The following ACSS3 variants were observed in gnomAD, a reference collection of about 807,000 sequenced individuals.
ACSS3 encodes the protein acyl-CoA synthetase short-chain family member 3, mitochondrial.
Under a neutral mutation model 84.2 loss-of-function variants are expected in ACSS3, and 64 were observed. The ratio of observed to expected loss-of-function variants is 0.76; its 90% CI spans 0.62 to 0.94. The LOEUF (loss-of-function observed/expected upper bound fraction) is 0.94, where lower values mean the gene tolerates loss of function less well. Ranked by LOEUF, ACSS3 falls within the 40% of genes least tolerant of loss-of-function variation. ACSS3 has a pLI of 0.00. For missense variants in ACSS3, 815 were observed against 867.6 expected, an observed-to-expected ratio of 0.94 and a Z score of 0.76; for synonymous variants, 317 against 310.1, an observed-to-expected ratio of 1.02 and a Z score of -0.23.
rs2400893 is a variant in ACSS3, at chr12:81,143,127, C to A, written c.801C>A (p.Pro267=). 6 of 1,612,360 alleles carry A rather than the reference C, an allele frequency of 3.7e-6. No homozygotes were observed. The highest frequency in any genetic ancestry group is 4.2e-6 in the Non-Finnish European group (5 of 1,178,928). ...TGTAGGAGGCGGTTCCTTTGGCTCC[C>A]GGTCGTGACCTTGATTGGGATGAAG... is the stretch of plus-strand genomic sequence containing the variant. ...RPNMEAVPLA[P]GRDLDWDEEM... Residue 267 remains proline (P), a synonymous_variant, in exon 5 of 16, where the codon CCC becomes CCA. Transcript: ENST00000548058.
intron 9 of ACSS3, among the ~76,000 whole-genome samples, chr12:81,209,445 T>G (rs2032494745): frequency 6.6e-6 from 1 of 151,284 alleles, no homozygotes; most frequent in Admixed American, 6.6e-5. Context: ...CAACCATATC[T>G]CATGATTTTG....
At position 81,204,294 on chromosome 12, in the gene ACSS3, TTCCTCCTCTTCTTCC is replaced by T. The variant is rs2032245028; in HGVS notation, c.1354+4852_1354+4866del. Among the ~76,000 whole-genome samples, 5 of 150,958 alleles carry T rather than the reference TTCCTCCTCTTCTTCC, an allele frequency of 3.3e-5. No homozygotes were observed. The East Asian group carries it at 9.8e-4, about 30-fold the overall frequency. On this transcript the variant is annotated intron_variant, in intron 9 of 15. Transcript: ENST00000548058. Reference sequence around the variant, plus strand: ...TATTCTTCCTTCCTCCTCTTCTTCCTTCCTCCTCTTCTTCCTTCCTCCTCTTCTTCCTTCCTCCTC... The same window carrying T: ...TATTCTTCCTTCCTCCTCTTCTTCCTTTCCTCCTCTTCTTCCTTCCTCCTC...
intron 1 of ACSS3, chr12:81,104,848 T>G (rs1882839049): frequency 6.6e-6 from 1 of 152,108 alleles, no homozygotes; most frequent in African/African-American, 2.4e-5. Flanking sequence ...AAGATTTAAA[T>G]CAGATTATTA....
At chr12:81,169,181 G>T (rs545880894) in intron 7 of ACSS3, among the ~76,000 whole-genome samples, 1 of 152,278 alleles carries the variant, frequency 6.6e-6, no homozygotes, top group East Asian at 1.9e-4. Context: ...CAAGATGGCA[G>T]CCTATCCTTA....
intron 13 of ACSS3, among the ~76,000 whole-genome samples, chr12:81,252,199 G>GA (rs2136017132): frequency 6.6e-6 from 1 of 152,034 alleles, no homozygotes; most frequent in Non-Finnish European, 1.5e-5. Flanking sequence ...ATATCTTTCT[G>GA]CAAAATTGGT....
chr12:81,115,314 G>A (rs772110207), intron 2 of ACSS3, among the ~76,000 whole-genome samples: 4 of 152,134 alleles, frequency 2.6e-5, no homozygotes, highest in Non-Finnish European at 5.9e-5. Context: ...AATGCCAGCT[G>A]TGAAAACAGT....
chr12:81,243,505 A>G (rs74841872), intron 13 of ACSS3, among the ~76,000 whole-genome samples: 7,617 of 152,174 alleles, frequency 0.05, 342 homozygotes, highest in African/African-American at 0.12. Context: ...ATTGGAAAAA[A>G]CTACTTTAAA....
At chr12:81,253,797 A>AT (rs2034223959) in intron 15 of ACSS3, 127 bp downstream of exon 15, 6 of 921,492 alleles carry the variant, frequency 6.5e-6, no homozygotes, top group Non-Finnish European at 9.6e-6. Context: ...TAATAGTACT[A>AT]TTTTTTAATG....
At chr12:81,166,668 G>C (rs1176117642) in intron 7 of ACSS3, among the ~76,000 whole-genome samples, 2 of 152,204 alleles carry the variant, frequency 1.3e-5, no homozygotes, top group Non-Finnish European at 2.9e-5. Context: ...TTGGTGATCA[G>C]GGTATCATTA....
At chr12:81,210,950 A>T (rs977522453) in intron 9 of ACSS3, among the ~76,000 whole-genome samples, 5 of 151,818 alleles carry the variant, frequency 3.3e-5, no homozygotes, top group African/African-American at 1.2e-4. Flanking sequence ...TGGAATTTTA[A>T]TTCATTTTTA....
chr12:81,256,621 A>G lies in ACSS3; in HGVS notation c.*1699A>G, dbSNP rs74103945. ...TGTTGTAACATAATACTCAGGATAC[A>G]TGAAATGTATGTGAGAGATAAATAG... On this transcript the variant is annotated 3_prime_UTR_variant, in exon 16 of 16. Transcript: ENST00000548058. The G allele has an allele frequency of 0.014, 2,182 of 152,284 alleles. 55 individuals carry two copies. The highest frequency in any genetic ancestry group is 0.05 in the African/African-American group (2,097 of 41,554). 9.4% of individuals were successfully genotyped at this position (152,284 alleles called of 1,614,324 possible).
At position 81,198,753 on chromosome 12, in the gene ACSS3, A is replaced by G. The variant is rs144530524; in HGVS notation, c.1251-588A>G. 2.1e-3 allele frequency among the ~76,000 whole-genome samples: 320 copies of G among 152,130 alleles called. 1 individual carries two copies. The highest frequency in any genetic ancestry group is 7.0e-3 in the African/African-American group (290 of 41,516). On this transcript the variant is annotated intron_variant, in intron 8 of 15. Transcript: ENST00000548058. The stretch of plus-strand genomic sequence containing the variant: ...TTTTAGTACTCTTGTATTCCTTTTG[A>G]TTGAAGAACCTTTTTGACTTCCAAG...
chr12:81,201,791 C>A (rs2032120886), intron 9 of ACSS3, among the ~76,000 whole-genome samples: 1 of 152,108 alleles, frequency 6.6e-6, no homozygotes, highest in Non-Finnish European at 1.5e-5. Flanking sequence ...TATTAAACTA[C>A]ACAAATATAT....
In ACSS3 at chr12:81,257,795, A is replaced by G. The variant is rs541487734; in HGVS notation, c.*2873A>G. 9.2e-5 allele frequency: 14 copies of G among 152,284 alleles called. No individual in the cohort carries two copies. The highest frequency in any genetic ancestry group is 3.4e-4 in the African/African-American group (14 of 41,586). 9.4% of individuals were successfully genotyped at this position (152,284 alleles called of 1,614,324 possible). A position where few individuals can be genotyped will look rare whatever the true frequency, so the allele number is the denominator to read the frequency against. On this transcript the variant is annotated 3_prime_UTR_variant, in exon 16 of 16. Transcript: ENST00000548058. ...ATCCATTAAATGGATTTTAGAATCT[A>G]GTAGAAGTTATCTTTCTTATAAATT...
intron 1 of ACSS3, among the ~76,000 whole-genome samples, chr12:81,084,176 C>T (rs990686384): frequency 3.3e-5 from 5 of 151,986 alleles, no homozygotes; most frequent in Non-Finnish European, 5.9e-5. Context: ...TGCAGTGCCT[C>T]GTAAGGCAGT....
chr12:81,224,574 A>AGTGTG (rs1491248111), intron 11 of ACSS3, among the ~76,000 whole-genome samples: 1 of 71,890 alleles, frequency 1.4e-5, no homozygotes, highest in African/African-American at 5.0e-5. Flanking sequence ...ACACACACAC[A>AGTGTG]TGTGTGTGTG....
At chr12:81,213,957 C>T (rs7300905) in intron 9 of ACSS3, among the ~76,000 whole-genome samples, 67 of 49,110 alleles carry the variant, frequency 1.4e-3, no homozygotes, top group Non-Finnish European at 1.3e-3. Context: ...CTCCCTCTCT[C>T]TCTTTCTTTC....
At position 81,186,713 on chromosome 12, in the gene ACSS3, G is replaced by T. The variant is rs180826551; in HGVS notation, c.1250+11774G>T. On this transcript the variant is annotated intron_variant, in intron 8 of 15. Transcript: ENST00000548058. ...TATCAAAAAGCAAAAGATAACAAAT[G>T]TTGACAAATGTGTAGAGTAAAGGAA... Among the ~76,000 whole-genome samples the T allele has an allele frequency of 3.3e-3, 503 of 151,850 alleles. 1 individual carries two copies. The highest frequency in any genetic ancestry group is 5.7e-3 in the Non-Finnish European group (389 of 67,728).
intron 9 of ACSS3, among the ~76,000 whole-genome samples, chr12:81,213,109 T>C (rs983120610): frequency 1.3e-5 from 2 of 152,202 alleles, no homozygotes; most frequent in Non-Finnish European, 2.9e-5. Flanking sequence ...AATTGCAACA[T>C]GACATCTAGA....
Sources: gnomAD v4.1 joint callset for allele counts (sites outside exome capture counted in the v4.1 genomes callset) on GRCh38, gnomAD v4.1.1 for gene constraint, MANE v1.5 for transcripts, NCBI Gene and HGNC (gene_info 2026-07-23, HGNC 2026-07-21) for gene names.